The following FHIP2A variants were observed in gnomAD, a reference collection of about 807,000 sequenced individuals.
FHIP2A encodes the protein family with sequence similarity 160 member B1.
In FHIP2A, 46 loss-of-function variants were observed where a neutral mutation model predicts 93.5. The ratio of observed to expected loss-of-function variants is 0.49; its 90% CI spans 0.39 to 0.63. The LOEUF (loss-of-function observed/expected upper bound fraction) is 0.63, where lower values mean the gene tolerates loss of function less well. Ranked by LOEUF, FHIP2A falls within the 20% of genes least tolerant of loss-of-function variation. The pLI, the probability that FHIP2A is intolerant of heterozygous loss-of-function variation, is 0.00. For missense variants in FHIP2A, 769 were observed against 909.7 expected, an observed-to-expected ratio of 0.85 and a Z score of 1.99; for synonymous variants, 332 against 326.5, an observed-to-expected ratio of 1.02 and a Z score of -0.18.
At position 114,843,002 on chromosome 10, in the gene FHIP2A, G is replaced by A; in HGVS notation, c.592G>A (p.Asp198Asn). The part of the protein sequence containing the change: ...VISEDTLKGQ[D>N]SLSTDTGQSR... Reference sequence around the variant, plus strand: ...TTCAGAAGATACATTAAAAGGTCAGGATTCCTTGTCAACAGATACAGGACA... The same window carrying A: ...TTCAGAAGATACATTAAAAGGTCAGAATTCCTTGTCAACAGATACAGGACA... Residue 198 changes from aspartate to asparagine, a missense_variant, in exon 6 of 17, where the codon GAT becomes AAT. Coordinates refer to ENST00000369248, the MANE Select transcript of FHIP2A (RefSeq NM_020940.4). The A allele has an allele frequency of 6.2e-7, 1 of 1,613,446 alleles. No homozygotes were observed. Among genetic ancestry groups the A allele is most frequent in the Non-Finnish European group, 8.5e-7 (1 of 1,179,440 alleles).
In FHIP2A at chr10:114,851,714, CAAAAAAAAAAAA is replaced by C. The variant is rs60649106; in HGVS notation, c.1803+2988_1803+2999del. On this transcript the variant is annotated intron_variant, in intron 13 of 16. Transcript: ENST00000369248. ...TTTAGGATTACTTTGTCCATTTCTG[CAAAAAAAAAAAA>C]AAAAAAAAAAGCAATTGAAATTTTT... 4.5e-4 allele frequency among the ~76,000 whole-genome samples: 37 copies of C among 81,942 alleles called. 1 individual carries two copies. The highest frequency in any genetic ancestry group is 1.2e-3 in the South Asian group (2 of 1,674). 53.8% of individuals were successfully genotyped at this position (81,942 alleles called of 152,430 possible).
At chr10:114,883,179 T>C (rs2083925512) in intron 16 of FHIP2A, among the ~76,000 whole-genome samples, 1 of 152,138 alleles carries the variant, frequency 6.6e-6, no homozygotes, top group African/African-American at 2.4e-5. Context: ...AGGGTTAGTT[T>C]TTCAGATGAA....
intron 13 of FHIP2A, among the ~76,000 whole-genome samples, chr10:114,853,136 G>A (rs1012914092): frequency 6.6e-6 from 1 of 152,132 alleles, no homozygotes; most frequent in Non-Finnish European, 1.5e-5. Flanking sequence ...AGTCTCTTGA[G>A]GATAGGATTC....
rs1168824087 is a variant in FHIP2A at position 114,855,266 on chromosome 10, A to G, written c.1873A>G (p.Asn625Asp). 1.9e-6 allele frequency: 3 copies of G among 1,613,926 alleles called. No individual in the cohort carries two copies. In the African/African-American group the frequency reaches 4.0e-5, roughly 22 times the overall value. The change falls in exon 14 of 17, where the codon AAT (asparagine) becomes GAT (aspartate). Residue 625 changes from asparagine to aspartate, a missense_variant. Physicochemically the swap from Asn to Asp is conservative, Grantham distance 23. Coordinates refer to ENST00000369248, the MANE Select transcript of FHIP2A (RefSeq NM_020940.4). ...GTCTCCAAAAGCATTGGAAAAGTGCAATTTAGAAGCTGCTTTCTTTGAAGG... is the reference window on the plus strand; with the variant it reads ...GTCTCCAAAAGCATTGGAAAAGTGCGATTTAGAAGCTGCTTTCTTTGAAGG... ...PGSPKALEKC[N>D]LEAAFFEGHF...
In FHIP2A at chr10:114,863,093, CA is replaced by C. The variant is rs1399620164; in HGVS notation, c.*1558del. 5 of 982,318 alleles carry C rather than the reference CA, an allele frequency of 5.1e-6. No individual in the cohort carries two copies. Among genetic ancestry groups the C allele is most frequent in the Non-Finnish European group, 6.0e-6 (5 of 827,278 alleles). The allele number at this position is 982,318 out of a possible 1,614,324, so 60.9% of individuals were successfully genotyped here. A position where few individuals can be genotyped will look rare whatever the true frequency, so the allele number is the denominator to read the frequency against. The stretch of plus-strand genomic sequence containing the variant: ...AGAATGCTTACCACTGTTAAAACAA[CA>C]AAAAGACTAAACCTCTAATTTCATG... On this transcript the variant is annotated 3_prime_UTR_variant, in exon 17 of 17. Transcript: ENST00000369248.
In FHIP2A at chr10:114,822,141, G is replaced by C; in HGVS notation, c.45+18G>C. 7.7e-7 allele frequency: 1 copy of C among 1,305,118 alleles called. No individual in the cohort carries two copies. The highest frequency in any genetic ancestry group is 2.8e-5 in the Admixed American group (1 of 35,090). The allele number at this position is 1,305,118 out of a possible 1,614,324, so 80.8% of individuals were successfully genotyped here. A position where few individuals can be genotyped will look rare whatever the true frequency, so the allele number is the denominator to read the frequency against. On this transcript the variant is annotated intron_variant, in intron 1 of 16. Coordinates refer to ENST00000369248, the MANE Select transcript of FHIP2A (RefSeq NM_020940.4). ...TGGAGGCGGTAAGGCCGCGGGCTGCGGGCGCACGGCAGGCCGGGGATGGCG... is the reference window on the plus strand; with the variant it reads ...TGGAGGCGGTAAGGCCGCGGGCTGCCGGCGCACGGCAGGCCGGGGATGGCG...
At chr10:114,859,880 T>G (rs1408261573) in intron 14 of FHIP2A, among the ~76,000 whole-genome samples, 2 of 152,206 alleles carry the variant, frequency 1.3e-5, no homozygotes, top group Non-Finnish European at 2.9e-5. Context: ...CTCATCCACT[T>G]TGAGGCATAG....
chr10:114,853,236 T>C (rs943660436), intron 13 of FHIP2A, among the ~76,000 whole-genome samples: 1 of 152,248 alleles, frequency 6.6e-6, no homozygotes, highest in African/African-American at 2.4e-5. Context: ...ATTTGTTGAA[T>C]AAATAACCAG....
At chr10:114,851,026 G>T (rs573603053) in intron 13 of FHIP2A, among the ~76,000 whole-genome samples, 117 of 152,244 alleles carry the variant, frequency 7.7e-4, no homozygotes, top group African/African-American at 2.8e-3. Context: ...CAATCCTCCT[G>T]CCTCAGCCTC....
chr10:114,860,877 T>C lies in FHIP2A; in HGVS notation c.2076T>C (p.Ser692=), dbSNP rs753718153. The change falls in exon 15 of 17, where the codon TCT becomes TCC. Residue 692 remains serine, a synonymous_variant. Coordinates refer to ENST00000369248, the MANE Select transcript of FHIP2A (RefSeq NM_020940.4). ...CTCCTGGCTGTAGATCTCTCTTCTC[T>C]GTAATTGTCAGGGTGAGTTACTAGT... ...NLAPGCRSLF[S]VIVRVVGDLM... The C allele has an allele frequency of 3.7e-6, 6 of 1,613,588 alleles. No homozygotes were observed. The highest frequency in any genetic ancestry group is 3.3e-5 in the South Asian group (3 of 91,072).
At chr10:114,849,319 T>G (rs1353281537) in intron 13 of FHIP2A, among the ~76,000 whole-genome samples, 1 of 152,030 alleles carries the variant, frequency 6.6e-6, no homozygotes, top group Non-Finnish European at 1.5e-5. Flanking sequence ...CAAAACATGA[T>G]ACCTTAATAA....
downstream of FHIP2A, chr10:114,864,833 G>A (rs2083820564): frequency 1.2e-5 from 3 of 256,612 alleles, no homozygotes; most frequent in Non-Finnish European, 1.2e-5. Context: ...CCTACAATCA[G>A]TGGGTCTCTA....
At chr10:114,867,793 A>C (rs1012134736), downstream of FHIP2A, among the ~76,000 whole-genome samples, 4 of 152,204 alleles carry the variant, frequency 2.6e-5, no homozygotes, top group African/African-American at 9.6e-5. Flanking sequence ...GCTAGAAGGC[A>C]GGTGGACAGG....
rs72339114 is a variant in FHIP2A at position 114,828,005 on chromosome 10, C to CT, written c.46-2835dup. ...TGGAATCTCTTGATACTGATTCACA[C>CT]TTTTTTTTTTTTAACTCAGAGCATC... On this transcript the variant is annotated intron_variant, in intron 1 of 16. Transcript: ENST00000369248. Among the ~76,000 whole-genome samples the CT allele has an allele frequency of 4.7e-3, 698 of 148,444 alleles. 2 individuals are homozygous for CT. Among genetic ancestry groups the CT allele is most frequent in the Non-Finnish European group, 7.6e-3 (512 of 67,046 alleles).
At chr10:114,874,486 A>G (rs1368346998) in intron 16 of FHIP2A, among the ~76,000 whole-genome samples, 3 of 152,150 alleles carry the variant, frequency 2.0e-5, no homozygotes, top group African/African-American at 7.2e-5. Flanking sequence ...CAAATTGTAT[A>G]ACCTATTTTA....
rs1337603118 is a variant in FHIP2A, at chr10:114,830,992, T to C, written c.124+62T>C. On this transcript the variant is annotated intron_variant, in intron 2 of 16. Transcript: ENST00000369248. ...AAAGTTAAACAGAAAATTTGTGAAA[T>C]ACTAAAATATTTTTAAGTAAGTCTC... The C allele has an allele frequency of 6.5e-6, 6 of 925,496 alleles. No individual in the cohort carries two copies. In the East Asian group the frequency reaches 1.6e-4, roughly 24 times the overall value. The allele number at this position is 925,496 out of a possible 1,614,324, so 57.3% of individuals were successfully genotyped here. A position where few individuals can be genotyped will look rare whatever the true frequency, so the allele number is the denominator to read the frequency against.
chr10:114,833,162 C>G (rs2083617309), intron 2 of FHIP2A, 71 bp from the exon 3 acceptor site: 1 of 1,198,934 alleles, frequency 8.3e-7, no homozygotes, highest in African/African-American at 1.5e-5. Flanking sequence ...AAGGGAAATA[C>G]AGAGTATTTT....
chr10:114,848,720 C>T lies in FHIP2A; in HGVS notation c.1786C>T (p.Arg596Ter). The change falls in exon 13 of 17, where the codon CGA becomes TGA. Residue 596 changes from arginine (R) to a stop codon, truncating the protein, a stop_gained. Transcript: ENST00000369248. LOFTEE classifies it high-confidence loss of function. ...GGGCACAGGATATGACACTTACCTC[C>T]GAGACGCTCATAGGCAGGTAGGTGA... ...VEGTGYDTYL[R>*]DAHRQFRDYC... 2.5e-6 allele frequency: 4 copies of T among 1,611,842 alleles called. No individual in the cohort carries two copies. The highest frequency in any genetic ancestry group is 1.1e-5 in the South Asian group (1 of 90,976).
intron 13 of FHIP2A, 65 bp from the exon 14 acceptor site, chr10:114,855,132 A>G: frequency 1.3e-6 from 2 of 1,543,438 alleles, no homozygotes; most frequent in Non-Finnish European, 8.8e-7. Flanking sequence ...ATTTAATGAA[A>G]TCATTTCTAT....
Sources: allele counts gnomAD v4.1 joint callset (sites outside exome capture counted in the v4.1 genomes callset), GRCh38; gene constraint gnomAD v4.1.1; transcripts MANE v1.5; gene names NCBI Gene and HGNC (gene_info 2026-07-23, HGNC 2026-07-21).